PI4KB: variants seen among roughly 807,000 people sequenced by gnomAD.
The protein encoded by PI4KB is PtdIns 4-kinase beta.
A neutral mutation model predicts 81.4 loss-of-function variants in PI4KB; 23 were observed. The observed-to-expected ratio is 0.28, with a 90% CI of 0.20 to 0.40. The LOEUF is 0.40. Among genes scored for constraint, PI4KB ranks in the 10% least tolerant of loss-of-function variants. PI4KB has a pLI of 1.00. For synonymous variants in PI4KB, 381 were observed against 406.8 expected (o/e 0.94, Z 0.76); for missense variants, 651 against 1,036.6 (o/e 0.63, Z 5.11).
intron 1 of PI4KB, among the ~76,000 whole-genome samples, chr1:151,320,397 A>G (rs1648679338): frequency 6.6e-6 from 1 of 152,216 alleles, no homozygotes; most frequent in South Asian, 2.1e-4. Context: ...AGTCACCACT[A>G]AAGTTTTGCA....
At chr1:151,293,927 G>C in intron 11 of PI4KB, 91 bp downstream of exon 11, 1 of 1,448,214 alleles carries the variant, frequency 6.9e-7, no homozygotes, top group East Asian at 2.3e-5. Context: ...CCTCAACCGA[G>C]TCTCGTGGGA....
chr1:151,307,552 G>A, intron 4 of PI4KB, 22 bp downstream of exon 4: 1 of 1,550,502 alleles, frequency 6.4e-7, no homozygotes, highest in Non-Finnish European at 8.9e-7. Context: ...CAGGGTAGGG[G>A]TTTGGGCCAG....
intron 10 of PI4KB, 52 bp from the exon 11 acceptor site, chr1:151,294,190 G>A: frequency 6.3e-7 from 1 of 1,577,582 alleles, no homozygotes; most frequent in Non-Finnish European, 8.6e-7. Context: ...ACCGGGGATG[G>A]TCCCTGTCCT....
Position 151,292,798 on chromosome 1 carries a change from G to T in PI4KB, c.*54C>A. The T allele has an allele frequency of 1.3e-6, 2 of 1,530,634 alleles. No homozygotes were observed. The highest frequency in any genetic ancestry group is 1.8e-6 in the Non-Finnish European group (2 of 1,117,936). The allele number at this position is 1,530,634 out of a possible 1,614,324, so 94.8% of individuals were successfully genotyped here. Reference sequence around the variant, plus strand: ...CTGGTTTGGGGTTTCTCAGACAAGGGCCCTCTAGGGAGGGTGCCCTGGACC... The same window carrying T: ...CTGGTTTGGGGTTTCTCAGACAAGGTCCCTCTAGGGAGGGTGCCCTGGACC... On this transcript the variant is annotated 3_prime_UTR_variant, in exon 12 of 12. Transcript: ENST00000368873.
chr1:151,298,901 T>C lies in PI4KB; in HGVS notation c.1922A>G (p.Tyr641Cys). 6.2e-7 allele frequency: 1 copy of C among 1,614,202 alleles called. No homozygotes were observed. The highest frequency in any genetic ancestry group is 1.1e-5 in the South Asian group (1 of 91,084). Residue 641 changes from tyrosine (Y) to cysteine (C), a missense_variant, in exon 9 of 12, where the codon TAC becomes TGC. Physicochemically the swap from Tyr to Cys is radical, Grantham distance 194. Around this residue, in one of 5 missense-constraint regions of PI4KB, gnomAD observed 246 missense variants for 430.1 expected, o/e 0.57. Coordinates refer to ENST00000368873, the MANE Select transcript of PI4KB (RefSeq NM_001369623.2). ...LDYFLQEHGS[Y>C]TTEAFLSAQR... is the part of the protein sequence containing the mutation. ...TGCACTGAGGAATGCCTCAGTGGTG[T>C]AACTGCCGTGCTCCTGTAGGAAGTA...
intron 5 of PI4KB, among the ~76,000 whole-genome samples, chr1:151,305,257 C>T (rs1222381332): frequency 2.6e-5 from 4 of 152,144 alleles, no homozygotes; most frequent in African/African-American, 4.8e-5. Context: ...TGAGCCACTG[C>T]GCCTGGCCAG....
At position 151,303,654 on chromosome 1, in the gene PI4KB, G is replaced by C; in HGVS notation, c.1411-4C>G. The stretch of plus-strand genomic sequence containing the variant: ...TGTTGGTATGCACTTCGGGGAGCTG[G>C]AGAAAGGGGAGTGCTGGTCAGAAGT... On this transcript the variant is annotated splice_polypyrimidine_tract_variant and splice_region_variant and intron_variant, in intron 5 of 11. Coordinates refer to ENST00000368873, the MANE Select transcript of PI4KB (RefSeq NM_001369623.2). 6.3e-7 allele frequency: 1 copy of C among 1,595,308 alleles called. No individual in the cohort carries two copies. Among genetic ancestry groups the C allele is most frequent in the Non-Finnish European group, 8.6e-7 (1 of 1,162,888 alleles).
chr1:151,317,499 T>C (rs1049318475), intron 1 of PI4KB, among the ~76,000 whole-genome samples: 8 of 151,996 alleles, frequency 5.3e-5, no homozygotes, highest in Non-Finnish European at 1.0e-4. Context: ...TAAATTTTTC[T>C]GTAGAGACAA....
At chr1:151,303,464 GGA>G in intron 6 of PI4KB, 75 bp downstream of exon 6, 2 of 885,494 alleles carry the variant, frequency 2.3e-6, no homozygotes, top group Non-Finnish European at 3.9e-6. Context: ...TGATTGAGAT[GGA>G]GAGGAAGGTA....
rs761452572 is a variant in PI4KB, at chr1:151,316,116, G to T, written c.366C>A (p.Asn122Lys). Residue 122 changes from asparagine (N) to lysine (K), a missense_variant, in exon 2 of 12, where the codon AAC becomes AAA. This residue lies in a region of PI4KB where 314 missense variants were observed against 397.8 expected (regional missense o/e 0.79). Coordinates refer to ENST00000368873, the MANE Select transcript of PI4KB (RefSeq NM_001369623.2). Reference protein sequence around the residue: ...TAKGARRRRQNNSAKQSWLLR... With the variant: ...TAKGARRRRQKNSAKQSWLLR... ...GCAGCCAAGACTGTTTAGCTGAGTT[G>T]TTCTGCCGCCGTCTTCTTGCTCCTT... 1.9e-6 allele frequency: 3 copies of T among 1,614,104 alleles called. No homozygotes were observed. The East Asian group carries it at 6.7e-5, about 36-fold the overall frequency.
At chr1:151,300,328 C>T (rs1695152615) in intron 8 of PI4KB, among the ~76,000 whole-genome samples, 2 of 152,188 alleles carry the variant, frequency 1.3e-5, no homozygotes. Flanking sequence ...TTTCTTCAGC[C>T]AGGAGCGGTG....
intron 2 of PI4KB, among the ~76,000 whole-genome samples, chr1:151,315,335 C>G (rs894180776): frequency 6.6e-5 from 10 of 152,276 alleles, no homozygotes; most frequent in Admixed American, 5.9e-4. Context: ...TTGCCATGAC[C>G]TATATGACCT....
chr1:151,299,140 C>G, intron 8 of PI4KB, 67 bp from the exon 9 acceptor site: 1 of 1,409,180 alleles, frequency 7.1e-7, no homozygotes, highest in Non-Finnish European at 9.9e-7. Context: ...GGCTAAAACT[C>G]TTCCCTTTCT....
chr1:151,314,526 G>C (rs1281366529), intron 2 of PI4KB, among the ~76,000 whole-genome samples: 1 of 152,174 alleles, frequency 6.6e-6, no homozygotes, highest in African/African-American at 2.4e-5. Context: ...TGCTGCTGTA[G>C]CTTCCTCTTC....
intron 1 of PI4KB, among the ~76,000 whole-genome samples, chr1:151,320,974 A>G (rs1211179294): frequency 6.6e-6 from 1 of 152,250 alleles, no homozygotes; most frequent in Non-Finnish European, 1.5e-5. Flanking sequence ...TAGAAAATTT[A>G]GCAGATGCCT....
chr1:151,316,605 C>T, intron 1 of PI4KB, 96 bp from the exon 2 acceptor site: 1 of 782,052 alleles, frequency 1.3e-6, no homozygotes, highest in Non-Finnish European at 1.9e-6. Context: ...GCTATGACAC[C>T]TTCCCAGGCA....
Position 151,299,052 on chromosome 1 carries a change from C to T in PI4KB, c.1771G>A (p.Val591Met), listed in dbSNP as rs762018174. Residue 591 changes from valine (V) to methionine (M), a missense_variant, in exon 9 of 12, where the codon GTG (valine) becomes ATG (methionine). By Grantham distance (21) the Val-to-Met change is conservative. Around this residue, in one of 5 missense-constraint regions of PI4KB, gnomAD observed 246 missense variants for 430.1 expected, o/e 0.57. Coordinates refer to ENST00000368873, the MANE Select transcript of PI4KB (RefSeq NM_001369623.2). ...QLQSIWEQERVPLWIKPYKIL... is the reference protein window; with the variant it reads ...QLQSIWEQERMPLWIKPYKIL... ...TTGTATGGCTTGATCCAAAGGGGCA[C>T]TCGCTCCTGTTCCCAAATGGACTGT... is the stretch of plus-strand genomic sequence containing the variant. 3.2e-5 allele frequency: 52 copies of T among 1,613,934 alleles called. No homozygotes were observed. The highest frequency in any genetic ancestry group is 1.3e-4 in the Admixed American group (8 of 59,992).
intron 1 of PI4KB, chr1:151,326,223 C>T (rs747361028): frequency 1.6e-5 from 25 of 1,593,430 alleles, no homozygotes; most frequent in South Asian, 3.4e-5. Context: ...GTGGCTGCTC[C>T]GGAGTAGTCA....
At position 151,316,401 on chromosome 1, in the gene PI4KB, C is replaced by A. The variant is rs191859607; in HGVS notation, c.81G>T (p.Gly27=). The part of the protein sequence containing the change: ...PTSGPPGNNG[G]SLLSVITEGV... ...CCTCCGTGATGACACTTAGCAGGGA[C>A]CCCCCATTATTCCCTGGTGGGCCAG... Residue 27 remains glycine (G), a synonymous_variant, in exon 2 of 12, where the codon GGG becomes GGT. Transcript: ENST00000368873. 11 of 1,596,048 alleles carry A rather than the reference C, an allele frequency of 6.9e-6. No individual in the cohort carries two copies. Among genetic ancestry groups the A allele is most frequent in the Non-Finnish European group, 9.4e-6 (11 of 1,170,736 alleles).
Sources: allele counts gnomAD v4.1 joint callset (sites outside exome capture counted in the v4.1 genomes callset), GRCh38; gene constraint gnomAD v4.1.1; regional missense constraint gnomAD v4.1.1; transcripts MANE v1.5; gene names NCBI Gene and HGNC (gene_info 2026-07-23, HGNC 2026-07-21).